Variants in PTPN9 observed in about 807,000 individuals in gnomAD.
The protein encoded by PTPN9 is protein tyrosine phosphatase non-receptor type 9.
A neutral mutation model predicts 69.8 loss-of-function variants in PTPN9; 26 were observed. The observed-to-expected ratio is 0.37, with a 90% CI of 0.27 to 0.52. The LOEUF (loss-of-function observed/expected upper bound fraction) is 0.52. Among genes scored for constraint, PTPN9 ranks in the 20% least tolerant of loss-of-function variants. The pLI, the probability that PTPN9 is intolerant of heterozygous loss-of-function variation, is 0.91. For synonymous variants in PTPN9, 274 were observed against 272.5 expected, an observed-to-expected ratio of 1.01 and a Z score of -0.05; for missense variants, 549 against 740.3, an observed-to-expected ratio of 0.74 and a Z score of 3.00.
chr15:75,471,049 T>C, intron 10 of PTPN9: 1 of 551,980 alleles, frequency 1.8e-6, no homozygotes, highest in Non-Finnish European at 3.1e-6. Context: ...TAGCAGACAG[T>C]TACTGAGCAC....
At chr15:75,478,664 A>T (rs983628863) in intron 9 of PTPN9, among the ~76,000 whole-genome samples, 15 of 152,186 alleles carry the variant, frequency 9.9e-5, no homozygotes, top group Admixed American at 9.8e-4. Flanking sequence ...CAGTTTTCTT[A>T]TAGTATGTCC....
In PTPN9 at chr15:75,550,648, G is replaced by A. The variant is rs188008390; in HGVS notation, c.64-23387C>T. Among the ~76,000 whole-genome samples the A allele has an allele frequency of 3.2e-3, 487 of 151,944 alleles. 2 individuals carry two copies. Among genetic ancestry groups the A allele is most frequent in the Admixed American group, 5.6e-3 (86 of 15,272 alleles). The stretch of plus-strand genomic sequence containing the variant: ...ACTAAAAACACAAAATTAGCTGGGT[G>A]TAGTGGCGCATGCCTGTAATCCCAA... On this transcript the variant is annotated intron_variant, in intron 1 of 12. Transcript: ENST00000618819.
At chr15:75,527,290 A>C (rs1567504233) in intron 1 of PTPN9, 29 bp from the exon 2 acceptor site, 1 of 1,611,158 alleles carries the variant, frequency 6.2e-7, no homozygotes, top group Non-Finnish European at 8.5e-7. Context: ...AAGAATAATT[A>C]GTAAGAAGAG....
At position 75,490,273 on chromosome 15, in the gene PTPN9, AAC is replaced by A. The variant is rs1567477297; in HGVS notation, c.995_996del (p.Arg332LeufsTer11). 1 of 1,613,464 alleles carries A rather than the reference AAC, an allele frequency of 6.2e-7. No homozygotes were observed. The highest frequency in any genetic ancestry group is 1.3e-5 in the African/African-American group (1 of 74,882). ...SMSPGNLEKNRYGDVPCLDQT... is the reference protein window; with the variant it reads ...SMSPGNLEKNXYGDVPCLDQT... ...TGGTCCAGGCAGGGTACATCCCCAT[AAC>A]GGTTTTTCTCTAGGTTTCCTGGAGA... On this transcript the variant is annotated frameshift_variant, in exon 8 of 13. Transcript: ENST00000618819. LOFTEE classifies it high-confidence loss of function.
chr15:75,573,921 C>T (rs749146343), intron 1 of PTPN9, among the ~76,000 whole-genome samples: 23 of 152,070 alleles, frequency 1.5e-4, no homozygotes, highest in Non-Finnish European at 3.1e-4. Context: ...GAGGTGAAAC[C>T]TGAGAGCTGA....
intron 1 of PTPN9, among the ~76,000 whole-genome samples, chr15:75,530,156 C>T (rs1365006833): frequency 7.3e-6 from 1 of 136,508 alleles, no homozygotes; most frequent in East Asian, 2.2e-4. Flanking sequence ...GCCAAGATCG[C>T]ACCACTGCAC....
At chr15:75,509,583 A>T (rs2074836263) in intron 5 of PTPN9, among the ~76,000 whole-genome samples, 1 of 152,178 alleles carries the variant, frequency 6.6e-6, no homozygotes, top group South Asian at 2.1e-4. Flanking sequence ...ACTACTCAGA[A>T]GGCTGAGGTA....
At chr15:75,547,083 G>A (rs2075036343) in intron 1 of PTPN9, among the ~76,000 whole-genome samples, 1 of 150,806 alleles carries the variant, frequency 6.6e-6, no homozygotes, top group Admixed American at 6.6e-5. Context: ...ATCACCTGAG[G>A]TCAGGAGTTT....
Position 75,470,799 on chromosome 15 carries a change from G to T in PTPN9, c.1240C>A (p.Gln414Lys), listed in dbSNP as rs2074559879. ...GAGTCTTTTTCTAAAGGCCAGTACT[G>T]GCCACACTTTCTCCTGCCGCCTTCC... ...FEEGGRRKCG[Q>K]YWPLEKDSRI... The change falls in exon 11 of 13, where the codon CAG becomes AAG. Residue 414 changes from glutamine to lysine, a missense_variant. Coordinates refer to ENST00000618819, the MANE Select transcript of PTPN9 (RefSeq NM_002833.4). The T allele has an allele frequency of 6.2e-7, 1 of 1,613,964 alleles. No homozygotes were observed. The highest frequency in any genetic ancestry group is 8.5e-7 in the Non-Finnish European group (1 of 1,179,998).
intron 7 of PTPN9, among the ~76,000 whole-genome samples, chr15:75,505,027 A>G (rs1241139022): frequency 2.0e-5 from 3 of 152,222 alleles, no homozygotes; most frequent in Non-Finnish European, 4.4e-5. Context: ...AAGGGGGGAA[A>G]GGTGGGGAAA....
At chr15:75,538,587 T>C (rs927753531) in intron 1 of PTPN9, among the ~76,000 whole-genome samples, 1 of 151,326 alleles carries the variant, frequency 6.6e-6, no homozygotes, top group African/African-American at 2.4e-5. Flanking sequence ...GTCCCACAAG[T>C]GGGAGGATCA....
chr15:75,537,157 G>A (rs1305338241), intron 1 of PTPN9, among the ~76,000 whole-genome samples: 2 of 151,114 alleles, frequency 1.3e-5, no homozygotes, highest in African/African-American at 4.9e-5. Context: ...TTCGAGACCA[G>A]CCTGACCAAT....
chr15:75,476,392 G>A (rs976626889), intron 9 of PTPN9, among the ~76,000 whole-genome samples: 22 of 152,222 alleles, frequency 1.4e-4, no homozygotes, highest in Non-Finnish European at 2.8e-4. Flanking sequence ...TCAGCTCACT[G>A]AAACCTCTGC....
At chr15:75,477,700 T>C (rs1595946309) in intron 9 of PTPN9, among the ~76,000 whole-genome samples, 1 of 152,114 alleles carries the variant, frequency 6.6e-6, no homozygotes, top group Admixed American at 6.6e-5. Context: ...CCTCCTCCTA[T>C]AGAACATTAC....
chr15:75,531,206 C>A (rs2074962688), intron 1 of PTPN9, among the ~76,000 whole-genome samples: 1 of 151,810 alleles, frequency 6.6e-6, no homozygotes, highest in Non-Finnish European at 1.5e-5. Flanking sequence ...TGCACCTGAG[C>A]TTTAGAGCCT....
At chr15:75,541,322 A>G (rs2075007682) in intron 1 of PTPN9, among the ~76,000 whole-genome samples, 1 of 151,486 alleles carries the variant, frequency 6.6e-6, no homozygotes, top group Non-Finnish European at 1.5e-5. Context: ...GCCTCCAGTG[A>G]TCTTCCCCCA....
At chr15:75,540,733 G>A (rs79237301) in intron 1 of PTPN9, among the ~76,000 whole-genome samples, 27,689 of 151,746 alleles carry the variant, frequency 0.18, 3,163 homozygotes, top group Non-Finnish European at 0.26. Flanking sequence ...AGGATTCCTT[G>A]AGACCAGCAT....
chr15:75,529,063 T>C (rs1158960492), intron 1 of PTPN9, among the ~76,000 whole-genome samples: 1 of 151,976 alleles, frequency 6.6e-6, no homozygotes, highest in Non-Finnish European at 1.5e-5. Context: ...CTTGGCTCAC[T>C]GCAACCTCTG....
intron 7 of PTPN9, among the ~76,000 whole-genome samples, chr15:75,503,365 GC>G (rs2074785757): frequency 8.7e-6 from 1 of 115,074 alleles, no homozygotes; most frequent in Non-Finnish European, 1.8e-5. Context: ...CTGCCCAGCC[GC>G]CCCGTCTGAG....
Sources: gnomAD v4.1 joint callset for allele counts (sites outside exome capture counted in the v4.1 genomes callset) on GRCh38, gnomAD v4.1.1 for gene constraint, MANE v1.5 for transcripts, NCBI Gene and HGNC (gene_info 2026-07-23, HGNC 2026-07-21) for gene names.